WDR77: variants seen among roughly 807,000 people sequenced by gnomAD.
The protein encoded by WDR77 is WD repeat domain 77.
In WDR77, 31 loss-of-function variants were observed where a neutral mutation model predicts 44.0. The ratio of observed to expected loss-of-function variants is 0.70; its 90% CI spans 0.53 to 0.95. The LOEUF is 0.95. Ranked by LOEUF, WDR77 falls within the 40% of genes least tolerant of loss-of-function variation. WDR77 has a pLI of 0.00. For missense variants in WDR77, 390 were observed against 423.9 expected (o/e 0.92, Z 0.70); for synonymous variants, 186 against 165.7 (o/e 1.12, Z -0.94).
At chr1:111,445,443 T>C (rs1194294167) in intron 4 of WDR77, among the ~76,000 whole-genome samples, 2 of 152,158 alleles carry the variant, frequency 1.3e-5, no homozygotes, top group Non-Finnish European at 2.9e-5. Flanking sequence ...GTACAAAAGA[T>C]GAATACATGG....
At chr1:111,446,164 A>G (rs546992481) in intron 4 of WDR77, among the ~76,000 whole-genome samples, 31 of 152,358 alleles carry the variant, frequency 2.0e-4, no homozygotes, top group African/African-American at 7.0e-4. Flanking sequence ...TCTCTGGCCT[A>G]TAACTTAGTC....
Position 111,449,158 on chromosome 1 carries a change from T to C in WDR77, c.12A>G (p.Glu4=), listed in dbSNP as rs990142846. The C allele has an allele frequency of 2.5e-6, 4 of 1,584,088 alleles. No homozygotes were observed. Among genetic ancestry groups the C allele is most frequent in the African/African-American group, 1.3e-5 (1 of 74,626 alleles). MRK[E]TPPPLVPPAA... ...CCGGGGGCACTAGGGGGGGTGGGGT[T>C]TCCTTCCGCATCTCCACGGTTCCAA... The change falls in exon 1 of 10, where the codon GAA becomes GAG. Residue 4 remains glutamate, a synonymous_variant. Coordinates refer to ENST00000235090, the MANE Select transcript of WDR77 (RefSeq NM_024102.4).
chr1:111,443,617 T>C (rs1300596562), intron 6 of WDR77: 1 of 980,030 alleles, frequency 1.0e-6, no homozygotes, highest in Non-Finnish European at 1.2e-6. Flanking sequence ...ATCATGACGA[T>C]AACAATTCTG....
Position 111,447,438 on chromosome 1 carries a change from A to C in WDR77, c.440T>G (p.Ile147Ser), listed in dbSNP as rs1202201043. The C allele has an allele frequency of 6.2e-7, 1 of 1,614,144 alleles. No homozygotes were observed. Among genetic ancestry groups the C allele is most frequent in the Non-Finnish European group, 8.5e-7 (1 of 1,180,006 alleles). ...AGCAATGAGAACAGGGACCCACCAG[A>C]TGTCTTTGCTACCACTGACAGCTTG... ...GTQAVSGSKD[I>S]CIKVWDLAQQ... The change falls in exon 3 of 10, where the codon ATC (isoleucine) becomes AGC (serine). Residue 147 changes from isoleucine to serine, a missense_variant. Transcript: ENST00000235090.
In WDR77 at chr1:111,440,226, A is replaced by C. The variant is rs1164555104; in HGVS notation, c.*1004T>G. The C allele has an allele frequency of 6.6e-6, 1 of 152,248 alleles. No homozygotes were observed. Among genetic ancestry groups the C allele is most frequent in the African/African-American group, 2.4e-5 (1 of 41,464 alleles). The allele number at this position is 152,248 out of a possible 1,614,324, so 9.4% of individuals were successfully genotyped here. A position where few individuals can be genotyped will look rare whatever the true frequency, so the allele number is the denominator to read the frequency against. ...AACACCATGATGACTCACATAAGTGAAATATATCTAACTACACATAACACA... is the reference window on the plus strand; with the variant it reads ...AACACCATGATGACTCACATAAGTGCAATATATCTAACTACACATAACACA... On this transcript the variant is annotated 3_prime_UTR_variant, in exon 10 of 10. Transcript: ENST00000235090.
chr1:111,442,641 A>G lies in WDR77; in HGVS notation c.800+12T>C. ...TTATACCCATCAGGCCCCTGATGAC[A>G]AAGAACAGTACCTGTGTGGGGAGAA... On this transcript the variant is annotated intron_variant, in intron 8 of 9. Transcript: ENST00000235090. 1 of 1,538,098 alleles carries G rather than the reference A, an allele frequency of 6.5e-7. No homozygotes were observed. Among genetic ancestry groups the G allele is most frequent in the Non-Finnish European group, 8.8e-7 (1 of 1,136,344 alleles).
At chr1:111,443,184 C>T (rs924686080) in intron 7 of WDR77, 139 bp downstream of exon 7, 3 of 750,468 alleles carry the variant, frequency 4.0e-6, no homozygotes, top group African/African-American at 3.5e-5. Flanking sequence ...CCCACCTCCC[C>T]ACCCTCAATT....
At position 111,444,986 on chromosome 1, in the gene WDR77, T is replaced by C. The variant is rs533425884; in HGVS notation, c.494-862A>G. Among the ~76,000 whole-genome samples, 8 of 152,368 alleles carry C rather than the reference T, an allele frequency of 5.3e-5. 2 individuals carry two copies. Among genetic ancestry groups the C allele is most frequent in the African/African-American group, 1.9e-4 (8 of 41,588 alleles). Reference sequence around the variant, plus strand: ...GGCTTTTGCCAGTTAGGCTGTTTGGTAGACATTCATGCAAACTAAGTAGCG... The same window carrying C: ...GGCTTTTGCCAGTTAGGCTGTTTGGCAGACATTCATGCAAACTAAGTAGCG... On this transcript the variant is annotated intron_variant, in intron 4 of 9. Coordinates refer to ENST00000235090, the MANE Select transcript of WDR77 (RefSeq NM_024102.4).
In WDR77 at chr1:111,443,346, T is replaced by C; in HGVS notation, c.668A>G (p.Gln223Arg). The change falls in exon 7 of 10, where the codon CAG (glutamine) becomes CGG (arginine). Residue 223 changes from glutamine (Q) to arginine (R), a missense_variant. By Grantham distance (43) the Gln-to-Arg change is conservative. Coordinates refer to ENST00000235090, the MANE Select transcript of WDR77 (RefSeq NM_024102.4). ...ACCAAAGACAAAGACTTCACTTTGCTGAGGATGCCAAGCCAGCGAGGTAGG... is the reference window on the plus strand; with the variant it reads ...ACCAAAGACAAAGACTTCACTTTGCCGAGGATGCCAAGCCAGCGAGGTAGG... ...YLPTSLAWHP[Q>R]QSEVFVFGDE... 6.4e-7 allele frequency: 1 copy of C among 1,552,038 alleles called. No homozygotes were observed. Among genetic ancestry groups the C allele is most frequent in the Non-Finnish European group, 8.7e-7 (1 of 1,147,168 alleles).
Position 111,442,078 on chromosome 1 carries a change from G to C in WDR77, c.816C>G (p.Ala272=). 6.2e-7 allele frequency: 1 copy of C among 1,614,092 alleles called. No individual in the cohort carries two copies. Among genetic ancestry groups the C allele is most frequent in the Non-Finnish European group, 8.5e-7 (1 of 1,179,970 alleles). The change falls in exon 9 of 10, where the codon GCC becomes GCG. Residue 272 remains alanine (A), a synonymous_variant. Transcript: ENST00000235090. ...VFSPHSVPFL[A]SLSEDCSLAV... ...CAAGTGAGCAGTCTTCACTGAGAGA[G>C]GCCAGGAAGGGAACACTATCAGATG...
chr1:111,443,924 A>G lies in WDR77; in HGVS notation c.565-3T>C, dbSNP rs1571366566. 6.2e-7 allele frequency: 1 copy of G among 1,614,206 alleles called. No homozygotes were observed. Among genetic ancestry groups the G allele is most frequent in the East Asian group, 2.2e-5 (1 of 44,888 alleles). ...TCCCAGAGTAAAATTCTATTGTCCT[A>G]GAGGAAGGTGGAACAGAAAAAGGAT... On this transcript the variant is annotated splice_region_variant and splice_polypyrimidine_tract_variant and intron_variant, in intron 5 of 9. Coordinates refer to ENST00000235090, the MANE Select transcript of WDR77 (RefSeq NM_024102.4).
rs773781620 is a variant in WDR77 at position 111,449,101 on chromosome 1, C to A, written c.69G>T (p.Ala23=). ...CCAACTGCCGTTCCATGCAGGCGGG[C>A]GCATTTGGGGGAAGATTCCACTCCC... ...AAREWNLPPN[A]PACMERQLEA... The change falls in exon 1 of 10, where the codon GCG becomes GCT. Residue 23 remains alanine (A), a synonymous_variant. Coordinates refer to ENST00000235090, the MANE Select transcript of WDR77 (RefSeq NM_024102.4). 6 of 1,602,950 alleles carry A rather than the reference C, an allele frequency of 3.7e-6. No homozygotes were observed. Among genetic ancestry groups the A allele is most frequent in the Middle Eastern group, 1.6e-4 (1 of 6,070 alleles).
rs1652751340 is a variant in WDR77 at position 111,440,255 on chromosome 1, GC to G, written c.*974del. On this transcript the variant is annotated 3_prime_UTR_variant, in exon 10 of 10. Coordinates refer to ENST00000235090, the MANE Select transcript of WDR77 (RefSeq NM_024102.4). ...ATATCTAACTACACATAACACACAT[GC>G]TTCAAAAAAGACAGGCCAACAATGC... 6.6e-6 allele frequency: 1 copy of G among 152,108 alleles called. No individual in the cohort carries two copies. Among genetic ancestry groups the G allele is most frequent in the African/African-American group, 2.4e-5 (1 of 41,396 alleles). 9.4% of individuals were successfully genotyped at this position (152,108 alleles called of 1,614,324 possible). A position where few individuals can be genotyped will look rare whatever the true frequency, so the allele number is the denominator to read the frequency against.
chr1:111,443,340 CT>C lies in WDR77; in HGVS notation c.673del (p.Ser225ValfsTer25), dbSNP rs1365877620. The part of the protein sequence containing the change: ...PTSLAWHPQQ[S>X]EVFVFGDENG... ...TGCCTTACCAAAGACAAAGACTTCA[CT>C]TTGCTGAGGATGCCAAGCCAGCGAG... On this transcript the variant is annotated frameshift_variant, in exon 7 of 10. Transcript: ENST00000235090. LOFTEE classifies it high-confidence loss of function. 2 of 1,551,760 alleles carry C rather than the reference CT, an allele frequency of 1.3e-6. No individual in the cohort carries two copies. The highest frequency in any genetic ancestry group is 2.4e-5 in the South Asian group (2 of 84,074).
At chr1:111,447,627 T>C (rs774465971) in intron 2 of WDR77, 51 bp from the exon 3 acceptor site, 10 of 1,602,170 alleles carry the variant, frequency 6.2e-6, no homozygotes, top group Non-Finnish European at 8.5e-6. Context: ...ACCAAGGCAG[T>C]AATTCACTTC....
At chr1:111,441,440 C>G in intron 9 of WDR77, 51 bp from the exon 10 acceptor site, 1 of 1,427,668 alleles carries the variant, frequency 7.0e-7, no homozygotes. Flanking sequence ...AAAAGCAGAC[C>G]TGGAGAAAAA....
Position 111,441,749 on chromosome 1 carries a change from A to T in WDR77, c.869+276T>A, listed in dbSNP as rs577155975. 2.7e-5 allele frequency: 17 copies of T among 636,334 alleles called. No homozygotes were observed. In the African/African-American group the frequency reaches 2.9e-4, roughly 11 times the overall value. 39.4% of individuals were successfully genotyped at this position (636,334 alleles called of 1,614,324 possible). On this transcript the variant is annotated intron_variant, in intron 9 of 9. Transcript: ENST00000235090. ...CGCAGTTCTTTATGTGAGAGGGTAG[A>T]CTGCCGCCCCCTTGTGGGAGAGCGC...
At chr1:111,444,271 G>A in intron 4 of WDR77, 147 bp from the exon 5 acceptor site, 1 of 710,722 alleles carries the variant, frequency 1.4e-6, no homozygotes, top group South Asian at 1.9e-5. Context: ...TTATGGATTA[G>A]ACAAAAGCTA....
At chr1:111,445,031 T>C (rs1055674992) in intron 4 of WDR77, among the ~76,000 whole-genome samples, 4 of 152,220 alleles carry the variant, frequency 2.6e-5, no homozygotes, top group Admixed American at 2.6e-4. Flanking sequence ...GAATCTAAAA[T>C]TTTGACAAAT....
Sources: gnomAD v4.1 joint callset for allele counts (sites outside exome capture counted in the v4.1 genomes callset) on GRCh38, gnomAD v4.1.1 for gene constraint, MANE v1.5 for transcripts, NCBI Gene and HGNC (gene_info 2026-07-23, HGNC 2026-07-21) for gene names.